DLG2: variants seen among roughly 807,000 people sequenced by gnomAD.
DLG2 encodes discs large MAGUK scaffold protein 2, also known as disks large homolog 2.
In DLG2, 45 loss-of-function variants were observed where a neutral mutation model predicts 132.5. The observed-to-expected ratio is 0.34, with a 90% CI of 0.27 to 0.44. The LOEUF (loss-of-function observed/expected upper bound fraction) is 0.44, where lower values mean the gene tolerates loss of function less well. Among genes scored for constraint, DLG2 ranks in the 20% least tolerant of loss-of-function variants. DLG2 has a pLI of 1.00. For missense variants in DLG2, 1,045 were observed against 1,196.9 expected, an observed-to-expected ratio of 0.87 and a Z score of 1.87; for synonymous variants, 424 against 419.6, an observed-to-expected ratio of 1.01 and a Z score of -0.13.
intron 18 of DLG2, among the ~76,000 whole-genome samples, chr11:83,764,608 T>C (rs1164927297): frequency 6.6e-6 from 1 of 152,200 alleles, no homozygotes; most frequent in Non-Finnish European, 1.5e-5. Context: ...TTAACCTACT[T>C]AATCTTCAAA....
chr11:83,836,621 T>A lies in DLG2; in HGVS notation c.1566-2851A>T, dbSNP rs540757691. ...TTAACTGATTAGTAACCTTAATTACTTGCAAAATCCCTTTTCTTATGTAAG... is the reference window on the plus strand; with the variant it reads ...TTAACTGATTAGTAACCTTAATTACATGCAAAATCCCTTTTCTTATGTAAG... On this transcript the variant is annotated intron_variant, in intron 16 of 27. Coordinates refer to ENST00000376104, the MANE Select transcript of DLG2 (RefSeq NM_001142699.3). 2.7e-4 allele frequency among the ~76,000 whole-genome samples: 41 copies of A among 152,304 alleles called. No individual in the cohort carries two copies. In the South Asian group the frequency reaches 8.3e-3, roughly 31 times the overall value.
intron 3 of DLG2, among the ~76,000 whole-genome samples, chr11:85,590,910 A>G (rs2079285532): frequency 6.6e-6 from 1 of 152,272 alleles, no homozygotes; most frequent in Admixed American, 6.5e-5. Context: ...ATATAGGGAA[A>G]TCTCATATGC....
chr11:84,060,822 C>G (rs563864381), intron 10 of DLG2, among the ~76,000 whole-genome samples: 1 of 152,068 alleles, frequency 6.6e-6, no homozygotes, highest in South Asian at 2.1e-4. Context: ...TTTCCCCCAC[C>G]ACCACGCAGT....
At chr11:85,359,450 A>G (rs1338729221) in intron 3 of DLG2, among the ~76,000 whole-genome samples, 1 of 152,212 alleles carries the variant, frequency 6.6e-6, no homozygotes, top group Non-Finnish European at 1.5e-5. Context: ...ACTAAAATCT[A>G]TACCCTTTCA....
At chr11:84,130,896 G>GA (rs977063036) in intron 9 of DLG2, among the ~76,000 whole-genome samples, 27 of 139,494 alleles carry the variant, frequency 1.9e-4, no homozygotes, top group African/African-American at 3.1e-4. Flanking sequence ...CTCATACAGA[G>GA]AAAAAAAAAA....
At chr11:85,058,506 G>C (rs950713285) in intron 6 of DLG2, among the ~76,000 whole-genome samples, 1 of 151,394 alleles carries the variant, frequency 6.6e-6, no homozygotes, top group African/African-American at 2.4e-5. Flanking sequence ...AACCAAAATC[G>C]CATAAAGGAC....
chr11:85,025,031 G>T (rs2060398050), intron 6 of DLG2, among the ~76,000 whole-genome samples: 2 of 152,128 alleles, frequency 1.3e-5, no homozygotes. Flanking sequence ...TTACGTCTGT[G>T]CAATATTACA....
At chr11:83,496,180 C>T (rs952871914) in intron 21 of DLG2, among the ~76,000 whole-genome samples, 2 of 147,204 alleles carry the variant, frequency 1.4e-5, no homozygotes, top group African/African-American at 5.2e-5. Context: ...GGATATTTAA[C>T]ATAAGATATA....
chr11:85,391,277 C>CA (rs1297527954), intron 3 of DLG2, among the ~76,000 whole-genome samples: 1 of 151,852 alleles, frequency 6.6e-6, no homozygotes, highest in Non-Finnish European at 1.5e-5. Context: ...TAACAAGCAG[C>CA]AAGACTGAAA....
chr11:83,625,134 C>T (rs988093403), intron 19 of DLG2, among the ~76,000 whole-genome samples: 1 of 152,186 alleles, frequency 6.6e-6, no homozygotes, highest in Non-Finnish European at 1.5e-5. Flanking sequence ...TCAGCTAGCC[C>T]TGTGCCAAGT....
At chr11:84,275,895 C>T (rs10160751) in intron 7 of DLG2, among the ~76,000 whole-genome samples, 111,175 of 152,050 alleles carry the variant, frequency 0.73, 41,259 homozygotes, top group Middle Eastern at 0.82. Flanking sequence ...TTGCTAGAGT[C>T]TGTTGTTAGG....
chr11:84,592,398 C>T (rs1169338845), intron 6 of DLG2, among the ~76,000 whole-genome samples: 2 of 152,120 alleles, frequency 1.3e-5, no homozygotes, highest in African/African-American at 2.4e-5. Flanking sequence ...ATTTAGGACA[C>T]AGGCATGGGC....
intron 16 of DLG2, among the ~76,000 whole-genome samples, chr11:83,849,315 TA>T: frequency 7.0e-6 from 1 of 143,334 alleles, no homozygotes; most frequent in East Asian, 2.0e-4. Context: ...AAATAAATAA[TA>T]TATATAATAA....
In DLG2 at chr11:84,426,196, G is replaced by A. The variant is rs997817261; in HGVS notation, c.519+108374C>T. 3.3e-5 allele frequency among the ~76,000 whole-genome samples: 5 copies of A among 152,194 alleles called. No homozygotes were observed. In the South Asian group the frequency reaches 6.2e-4, roughly 19 times the overall value. Reference sequence around the variant, plus strand: ...GATCATGAGAAATAAATGTAGGGGCGTACATCTTAGTGGCGCATGAAGCCA... The same window carrying A: ...GATCATGAGAAATAAATGTAGGGGCATACATCTTAGTGGCGCATGAAGCCA... On this transcript the variant is annotated intron_variant, in intron 7 of 27. Coordinates refer to ENST00000376104, the MANE Select transcript of DLG2 (RefSeq NM_001142699.3).
intron 7 of DLG2, among the ~76,000 whole-genome samples, chr11:84,454,794 T>C (rs980884763): frequency 2.0e-5 from 3 of 151,408 alleles, no homozygotes; most frequent in Non-Finnish European, 4.4e-5. Context: ...AACAAATTTA[T>C]AGTGACAGAA....
chr11:84,519,388 C>G (rs1327598981), intron 7 of DLG2, among the ~76,000 whole-genome samples: 1 of 152,102 alleles, frequency 6.6e-6, no homozygotes, highest in Non-Finnish European at 1.5e-5. Flanking sequence ...ATAAAGAAAA[C>G]AGCCTTATGA....
intron 6 of DLG2, among the ~76,000 whole-genome samples, chr11:84,981,062 T>G (rs779578251): frequency 6.6e-5 from 10 of 152,184 alleles, no homozygotes; most frequent in Non-Finnish European, 1.5e-4. Context: ...ATAGCCTCGG[T>G]CTAATGCATC....
chr11:84,783,834 C>T (rs923641719), intron 6 of DLG2, among the ~76,000 whole-genome samples: 3 of 151,958 alleles, frequency 2.0e-5, no homozygotes, highest in African/African-American at 7.3e-5. Context: ...TATGTTTCAC[C>T]TATATAGCTA....
Position 85,339,410 on chromosome 11 carries a change from C to T in DLG2, c.41-54045G>A, listed in dbSNP as rs148314707. On this transcript the variant is annotated intron_variant, in intron 3 of 27. Transcript: ENST00000376104. ...TTACTGGGCTGAAAGGTAAATGCAC[C>T]TGTAATTTTTTACTAGGTATTGTCC... Among the ~76,000 whole-genome samples the T allele has an allele frequency of 2.2e-3, 330 of 152,180 alleles. 1 individual carries two copies. The highest frequency in any genetic ancestry group is 7.7e-3 in the African/African-American group (320 of 41,512).
Sources: gnomAD v4.1 joint callset for allele counts (sites outside exome capture counted in the v4.1 genomes callset) on GRCh38, gnomAD v4.1.1 for gene constraint, MANE v1.5 for transcripts, NCBI Gene and HGNC (gene_info 2026-07-23, HGNC 2026-07-21) for gene names.